The following FAM118A variants were observed in gnomAD, a reference collection of about 807,000 sequenced individuals.
FAM118A encodes protein FAM118A.
FAM118A carries 25 observed loss-of-function variants against 38.2 expected under a neutral mutation model. That is an observed-to-expected ratio of 0.65 (90% CI 0.48 to 0.91). The LOEUF (loss-of-function observed/expected upper bound fraction) is 0.91, where lower values mean the gene tolerates loss of function less well. FAM118A is among the 40% of genes least tolerant of loss of function. The pLI is 0.00. For missense variants in FAM118A, 425 were observed against 463.3 expected (o/e 0.92, Z 0.76); for synonymous variants, 178 against 184.1 (o/e 0.97, Z 0.27).
chr22:45,327,089 T>C (rs2146663568), intron 3 of FAM118A, among the ~76,000 whole-genome samples: 1 of 150,308 alleles, frequency 6.7e-6, no homozygotes, highest in South Asian at 2.1e-4. Context: ...TTAAAAAATA[T>C]AATGAGTTGG....
chr22:45,324,119 G>A (rs2085082696), intron 3 of FAM118A, among the ~76,000 whole-genome samples: 1 of 152,238 alleles, frequency 6.6e-6, no homozygotes, highest in African/African-American at 2.4e-5. Flanking sequence ...AGGAGATGTT[G>A]GACGTTTGAA....
At chr22:45,318,169 A>C (rs16993817) in intron 1 of FAM118A, among the ~76,000 whole-genome samples, 2,405 of 152,310 alleles carry the variant, frequency 0.016, 68 homozygotes, top group African/African-American at 0.056. Flanking sequence ...GCTAGTTTAT[A>C]AAATGCTAGT....
intron 3 of FAM118A, among the ~76,000 whole-genome samples, chr22:45,327,302 G>T (rs953834272): frequency 6.7e-6 from 1 of 149,188 alleles, no homozygotes; most frequent in East Asian, 2.0e-4. Flanking sequence ...ACGAAGACAC[G>T]CTGTTTCATT....
At chr22:45,332,064 T>C (rs2085758598) in intron 5 of FAM118A, among the ~76,000 whole-genome samples, 1 of 152,194 alleles carries the variant, frequency 6.6e-6, no homozygotes, top group Non-Finnish European at 1.5e-5. Flanking sequence ...TCGTACCCAA[T>C]TTGAGAAGAT....
chr22:45,340,763 T>C lies in FAM118A; in HGVS notation c.*358T>C, dbSNP rs2086421110. The C allele has an allele frequency of 3.1e-6, 1 of 318,092 alleles. No homozygotes were observed. The highest frequency in any genetic ancestry group is 5.8e-6 in the Non-Finnish European group (1 of 173,410). 19.7% of individuals were successfully genotyped at this position (318,092 alleles called of 1,614,324 possible). On this transcript the variant is annotated 3_prime_UTR_variant, in exon 9 of 9. Transcript: ENST00000441876. ...GTAATAAAAGGGGAAGAGTAAAGAC[T>C]GTCCAAGCAACAGTAGCTGCCAAAG...
chr22:45,324,577 C>A (rs1485045571), intron 3 of FAM118A, among the ~76,000 whole-genome samples: 1 of 152,232 alleles, frequency 6.6e-6, no homozygotes, highest in Non-Finnish European at 1.5e-5. Flanking sequence ...ATAAGGAACA[C>A]CTTTCATCAC....
chr22:45,319,293 C>T (rs975022864), intron 1 of FAM118A, among the ~76,000 whole-genome samples: 2 of 152,088 alleles, frequency 1.3e-5, no homozygotes, highest in Non-Finnish European at 2.9e-5. Flanking sequence ...CTGAACTAAA[C>T]AAGCCCTTCT....
Position 45,336,345 on chromosome 22 carries a change from T to C in FAM118A, c.988T>C (p.Cys330Arg). The change falls in exon 8 of 9, where the codon TGT (cysteine) becomes CGT (arginine). Residue 330 changes from cysteine (C) to arginine (R), a missense_variant. Cys to Arg is a radical substitution (Grantham distance 180, BLOSUM62 -3). Coordinates refer to ENST00000441876, the MANE Select transcript of FAM118A (RefSeq NM_017911.4). ...TTLLGNACQD[C>R]AKRKLEENGI... ...TCTTTTAGGTAATGCATGCCAGGAC[T>C]GTGCAAAGAGGAAGTTAGAAGAGAA... The C allele has an allele frequency of 6.2e-7, 1 of 1,613,800 alleles. No individual in the cohort carries two copies. The highest frequency in any genetic ancestry group is 8.5e-7 in the Non-Finnish European group (1 of 1,179,730).
intron 8 of FAM118A, among the ~76,000 whole-genome samples, chr22:45,336,682 T>C (rs1012858763): frequency 5.3e-5 from 8 of 152,088 alleles, no homozygotes; most frequent in African/African-American, 1.9e-4. Flanking sequence ...GGGCAGAAGG[T>C]GCTCTCTCCA....
chr22:45,334,831 C>T (rs1443937538), intron 6 of FAM118A, among the ~76,000 whole-genome samples: 1 of 152,120 alleles, frequency 6.6e-6, no homozygotes, highest in Non-Finnish European at 1.5e-5. Context: ...TGCCCCCGTC[C>T]GCCGCTTCTC....
chr22:45,332,530 A>C lies in FAM118A; in HGVS notation c.757A>C (p.Asn253His), dbSNP rs772042799. Residue 253 changes from asparagine to histidine, a missense_variant, in exon 6 of 9, where the codon AAT becomes CAT. Physicochemically the swap from Asn to His is moderately conservative, Grantham distance 68. Transcript: ENST00000441876. ...FQALFLYSVP[N>H]KVDLEHYMLV... The stretch of plus-strand genomic sequence containing the variant: ...GGCCCTCTTTCTTTACTCCGTGCCG[A>C]ATAAGGTGGATTTGGAGCACTACAT... The C allele has an allele frequency of 1.4e-5, 22 of 1,613,978 alleles. No individual in the cohort carries two copies. The highest frequency in any genetic ancestry group is 1.9e-5 in the Non-Finnish European group (22 of 1,180,032).
intron 5 of FAM118A, among the ~76,000 whole-genome samples, chr22:45,331,299 G>A (rs3788648): frequency 0.11 from 16,169 of 152,086 alleles, 1,195 homozygotes; most frequent in East Asian, 0.3. Flanking sequence ...ACTCCAGCCT[G>A]GGCAACAGAG....
intron 3 of FAM118A, 95 bp from the exon 4 acceptor site, chr22:45,327,747 C>T (rs180830385): frequency 3.0e-5 from 38 of 1,264,842 alleles, no homozygotes; most frequent in Admixed American, 9.6e-5. Flanking sequence ...TGTTTTCAGC[C>T]GCTGTATCTC....
At chr22:45,333,671 T>A (rs2085883460) in intron 6 of FAM118A, among the ~76,000 whole-genome samples, 1 of 118,826 alleles carries the variant, frequency 8.4e-6, no homozygotes, top group Non-Finnish European at 1.6e-5. Flanking sequence ...AAGACTCTGT[T>A]TCCAAAAAAA....
chr22:45,339,234 A>G (rs1349671574), intron 8 of FAM118A, among the ~76,000 whole-genome samples: 1 of 152,164 alleles, frequency 6.6e-6, no homozygotes, highest in African/African-American at 2.4e-5. Flanking sequence ...CGTCTCTACT[A>G]AAAATACAAA....
chr22:45,330,735 C>A lies in FAM118A; in HGVS notation c.651+4C>A. On this transcript the variant is annotated splice_donor_region_variant and intron_variant, in intron 5 of 8. Transcript: ENST00000441876. ...CACTCAAGACGCAGAAGTCATGGTA[C>A]GGCCCGTCCTAATTAGCATCGGTGC... 6.4e-7 allele frequency: 1 copy of A among 1,552,342 alleles called. No homozygotes were observed. The highest frequency in any genetic ancestry group is 8.7e-7 in the Non-Finnish European group (1 of 1,152,848).
rs1267142412 is a variant in FAM118A, at chr22:45,333,695, G to T, written c.937+985G>T. Among the ~76,000 whole-genome samples, 14 of 142,922 alleles carry T rather than the reference G, an allele frequency of 9.8e-5. No homozygotes were observed. The East Asian group carries it at 2.3e-3, about 23-fold the overall frequency. 93.8% of individuals were successfully genotyped at this position (142,922 alleles called of 152,430 possible). A position where few individuals can be genotyped will look rare whatever the true frequency, so the allele number is the denominator to read the frequency against. On this transcript the variant is annotated intron_variant, in intron 6 of 8. Transcript: ENST00000441876. Reference sequence around the variant, plus strand: ...TTTCCAAAAAAAAAAAAAAAAAAGAGCTGGGTTTGGTGGTGGACATCTGTG... The same window carrying T: ...TTTCCAAAAAAAAAAAAAAAAAAGATCTGGGTTTGGTGGTGGACATCTGTG...
chr22:45,312,841 C>T (rs993966873), intron 1 of FAM118A, among the ~76,000 whole-genome samples: 4 of 152,170 alleles, frequency 2.6e-5, no homozygotes, highest in East Asian at 1.9e-4. Flanking sequence ...CCAGAAACTT[C>T]GGCATGTTTG....
chr22:45,340,659 C>G lies in FAM118A; in HGVS notation c.*254C>G, dbSNP rs1313436247. Reference sequence around the variant, plus strand: ...GACTGATGGATAGCTACCTCAGGGACCAGAATCCGTGGGAAGGGATGGACC... The same window carrying G: ...GACTGATGGATAGCTACCTCAGGGAGCAGAATCCGTGGGAAGGGATGGACC... On this transcript the variant is annotated 3_prime_UTR_variant, in exon 9 of 9. Transcript: ENST00000441876. 1.9e-6 allele frequency: 1 copy of G among 539,940 alleles called. No homozygotes were observed. The highest frequency in any genetic ancestry group is 2.9e-5 in the East Asian group (1 of 34,398). The allele number at this position is 539,940 out of a possible 1,614,324, so 33.4% of individuals were successfully genotyped here. A position where few individuals can be genotyped will look rare whatever the true frequency, so the allele number is the denominator to read the frequency against.
Sources: gnomAD v4.1 joint callset for allele counts (sites outside exome capture counted in the v4.1 genomes callset) on GRCh38, gnomAD v4.1.1 for gene constraint, MANE v1.5 for transcripts, NCBI Gene and HGNC (gene_info 2026-07-23, HGNC 2026-07-21) for gene names.